Variants in TIAM2 observed in about 807,000 individuals in gnomAD.
TIAM2 encodes rho guanine nucleotide exchange factor TIAM2.
TIAM2 carries 80 observed loss-of-function variants against 152.9 expected under a neutral mutation model. That is an observed-to-expected ratio of 0.52 (90% CI 0.44 to 0.63). The LOEUF (loss-of-function observed/expected upper bound fraction) is 0.63, where lower values mean the gene tolerates loss of function less well. Ranked by LOEUF, TIAM2 falls within the 30% of genes least tolerant of loss-of-function variation. The pLI is 0.00. For synonymous variants in TIAM2, 804 were observed against 838.0 expected (o/e 0.96, Z 0.70); for missense variants, 1,965 against 2,120.1 (o/e 0.93, Z 1.44).
chr6:155,008,649 T>C (rs567199175), intron 1 of TIAM2, among the ~76,000 whole-genome samples: 1 of 152,298 alleles, frequency 6.6e-6, no homozygotes, highest in African/African-American at 2.4e-5. Context: ...GCAGGCAGTG[T>C]GCCCAGAGAA....
rs186312400 is a variant in TIAM2, at chr6:155,205,669, G to A, written c.3065-5535G>A. Among the ~76,000 whole-genome samples the A allele has an allele frequency of 2.0e-5, 3 of 152,328 alleles. No homozygotes were observed. In the East Asian group the frequency reaches 5.8e-4, roughly 29 times the overall value. On this transcript the variant is annotated intron_variant, in intron 14 of 26. Transcript: ENST00000682666. ...TGAACCATACGTAGCTGCCTGAGGA[G>A]AGTCAGGCTTCCTTAGGATTAAGCT...
intron 2 of TIAM2, among the ~76,000 whole-genome samples, chr6:155,096,344 C>A (rs1778420373): frequency 6.6e-6 from 1 of 152,084 alleles, no homozygotes. Flanking sequence ...TTTGTGTTTT[C>A]TTCATGTTAG....
At chr6:155,097,984 C>T (rs1778455614) in intron 2 of TIAM2, among the ~76,000 whole-genome samples, 1 of 152,196 alleles carries the variant, frequency 6.6e-6, no homozygotes, top group African/African-American at 2.4e-5. Flanking sequence ...GAATTTTTAT[C>T]TGGATTCTCT....
chr6:155,074,961 C>T (rs1341192886), intron 1 of TIAM2, among the ~76,000 whole-genome samples: 2 of 150,408 alleles, frequency 1.3e-5, no homozygotes, highest in Admixed American at 1.3e-4. Flanking sequence ...GGCAGCTGGT[C>T]AAATGGTGAG....
chr6:155,037,621 C>T (rs1415910194), intron 1 of TIAM2, among the ~76,000 whole-genome samples: 1 of 152,092 alleles, frequency 6.6e-6, no homozygotes, highest in Non-Finnish European at 1.5e-5. Context: ...CTCTGCCTCC[C>T]AGGTTCAGGC....
intron 1 of TIAM2, among the ~76,000 whole-genome samples, chr6:155,009,685 A>G (rs1286887505): frequency 6.6e-6 from 1 of 152,132 alleles, no homozygotes; most frequent in Non-Finnish European, 1.5e-5. Context: ...AGACCCAAAT[A>G]TATAATATAC....
chr6:155,096,300 A>G (rs1025315013), intron 2 of TIAM2, among the ~76,000 whole-genome samples: 1 of 152,198 alleles, frequency 6.6e-6, no homozygotes, highest in Non-Finnish European at 1.5e-5. Flanking sequence ...TAAAGATCAA[A>G]TCAGTGTAAT....
At chr6:155,167,549 G>C (rs898354946) in intron 9 of TIAM2, among the ~76,000 whole-genome samples, 2 of 152,158 alleles carry the variant, frequency 1.3e-5, no homozygotes, top group African/African-American at 4.8e-5. Flanking sequence ...TAATTGTAAA[G>C]AGTAATCTTA....
At position 155,244,764 on chromosome 6, in the gene TIAM2, A is replaced by G; in HGVS notation, c.3524A>G (p.Glu1175Gly). The G allele has an allele frequency of 6.2e-7, 1 of 1,613,404 alleles. No individual in the cohort carries two copies. The highest frequency in any genetic ancestry group is 8.5e-7 in the Non-Finnish European group (1 of 1,179,620). Residue 1175 changes from glutamate (E) to glycine (G), a missense_variant, in exon 18 of 27, where the codon GAA (glutamate) becomes GGA (glycine). This residue lies in a region of TIAM2 where 935 missense variants were observed against 980.0 expected (regional missense o/e 0.95). Transcript: ENST00000682666. The stretch of plus-strand genomic sequence containing the variant: ...GCATCATCTGACTTTAACACCCTAG[A>G]AACCCCCTCACAGTTTAGAGTAAGT... Reference protein sequence around the residue: ...ISASSDFNTLETPSQFRKLLF... With the variant: ...ISASSDFNTLGTPSQFRKLLF...
At chr6:155,170,077 A>G (rs908977539) in intron 9 of TIAM2, among the ~76,000 whole-genome samples, 1 of 152,112 alleles carries the variant, frequency 6.6e-6, no homozygotes, top group African/African-American at 2.4e-5. Context: ...TCAGTCTCCC[A>G]AAGTGCCGAG....
intron 1 of TIAM2, among the ~76,000 whole-genome samples, chr6:155,042,015 C>T (rs748386911): frequency 2.0e-5 from 3 of 152,070 alleles, no homozygotes; most frequent in Non-Finnish European, 4.4e-5. Context: ...CATCCTCCAA[C>T]CAGACTTTTT....
chr6:155,248,205 C>T lies in TIAM2; in HGVS notation c.3832+26C>T, dbSNP rs777505358. 4.5e-5 allele frequency: 73 copies of T among 1,606,268 alleles called. No homozygotes were observed. The Middle Eastern group carries it at 1.0e-3, about 23-fold the overall frequency. ...GTGAGGCGGCGGCGGCACCTCCGGG[C>T]GAGGGCCTGCACAGGGCGGCGAGGG... On this transcript the variant is annotated intron_variant, in intron 20 of 26. Coordinates refer to ENST00000682666, the MANE Select transcript of TIAM2 (RefSeq NM_012454.4).
Position 155,026,608 on chromosome 6 carries a change from T to G in TIAM2, c.-209+31116T>G, listed in dbSNP as rs141923003. ...CATCCCAGTGGGGACTGGCAGTCCT[T>G]GAGGGACTGACTCATCCATGACTCA... On this transcript the variant is annotated intron_variant, in intron 1 of 26. Coordinates refer to ENST00000682666, the MANE Select transcript of TIAM2 (RefSeq NM_012454.4). Among the ~76,000 whole-genome samples the G allele has an allele frequency of 1.3e-3, 193 of 152,328 alleles. 4 individuals carry two copies. Among genetic ancestry groups the G allele is most frequent in the African/African-American group, 4.4e-3 (184 of 41,572 alleles).
chr6:155,038,075 A>T (rs1356312115), intron 1 of TIAM2, among the ~76,000 whole-genome samples: 1 of 152,220 alleles, frequency 6.6e-6, no homozygotes, highest in Admixed American at 6.5e-5. Context: ...AATAAGGAGC[A>T]TTAAAACAAA....
At chr6:155,081,395 T>A in intron 1 of TIAM2, among the ~76,000 whole-genome samples, 1 of 99,242 alleles carries the variant, frequency 1.0e-5, no homozygotes, top group African/African-American at 4.0e-5. Context: ...TTATTATAAA[T>A]GAGTCTTCTG....
intron 2 of TIAM2, among the ~76,000 whole-genome samples, chr6:155,118,725 G>A (rs752202830): frequency 2.0e-5 from 3 of 151,936 alleles, no homozygotes; most frequent in Non-Finnish European, 2.9e-5. Context: ...GTGAGCCACC[G>A]CGCACGGCCT....
intron 5 of TIAM2, among the ~76,000 whole-genome samples, chr6:155,140,573 T>TGTGAGAGAGAGAGA (rs1331424200): frequency 9.3e-6 from 1 of 107,472 alleles, no homozygotes; most frequent in African/African-American, 3.8e-5. Flanking sequence ...TGTGTGTGTG[T>TGTGAGAGAGAGAGA]GAGAGAGAGA....
rs200444420 is a variant in TIAM2 at position 155,063,917 on chromosome 6, T to TA, written c.-208-26364dup. ...GTGAAGCTCAATAATAGCCTTGGAT[T>TA]AAAAAAAAGAAGAAAGCAGAAATTA... On this transcript the variant is annotated intron_variant, in intron 1 of 26. Transcript: ENST00000682666. Among the ~76,000 whole-genome samples, 4 of 151,702 alleles carry TA rather than the reference T, an allele frequency of 2.6e-5. No individual in the cohort carries two copies. The South Asian group carries it at 6.3e-4, about 24-fold the overall frequency.
chr6:155,003,529 C>T (rs1425736070), intron 1 of TIAM2, among the ~76,000 whole-genome samples: 1 of 152,174 alleles, frequency 6.6e-6, no homozygotes, highest in Admixed American at 6.5e-5. Context: ...TCCCTGGCCC[C>T]AGAGAACAGA....
Sources: gnomAD v4.1 joint callset for allele counts (sites outside exome capture counted in the v4.1 genomes callset) on GRCh38, gnomAD v4.1.1 for gene constraint, gnomAD v4.1.1 regional missense constraint, MANE v1.5 for transcripts, NCBI Gene and HGNC (gene_info 2026-07-23, HGNC 2026-07-21) for gene names.